The following NEK10 variants were observed in gnomAD, a reference collection of about 807,000 sequenced individuals.
The protein encoded by NEK10 is NIMA related kinase 10.
NEK10 carries 122 observed loss-of-function variants against 159.8 expected under a neutral mutation model. The ratio of observed to expected loss-of-function variants is 0.76; its 90% CI spans 0.66 to 0.89. The LOEUF is 0.89. NEK10 is among the 40% of genes least tolerant of loss of function. The pLI, the probability that NEK10 is intolerant of heterozygous loss-of-function variation, is 0.00. For missense variants in NEK10, 1,342 were observed against 1,323.1 expected, an observed-to-expected ratio of 1.01 and a Z score of -0.22; for synonymous variants, 466 against 457.1, an observed-to-expected ratio of 1.02 and a Z score of -0.25.
intron 23 of NEK10, among the ~76,000 whole-genome samples, chr3:27,241,566 A>T (rs934138126): frequency 6.6e-5 from 10 of 152,176 alleles, no homozygotes; most frequent in African/African-American, 2.4e-4. Flanking sequence ...AAGTACCTCA[A>T]CAGATTTGAG....
rs1277091120 is a variant in NEK10, at chr3:27,295,288, T to C, written c.1308+325A>G. Among the ~76,000 whole-genome samples, 3 of 152,196 alleles carry C rather than the reference T, an allele frequency of 2.0e-5. No individual in the cohort carries two copies. In the East Asian group the frequency reaches 5.8e-4, roughly 29 times the overall value. On this transcript the variant is annotated intron_variant, in intron 15 of 35. Coordinates refer to ENST00000691995, the MANE Select transcript of NEK10 (RefSeq NM_001394966.1). The stretch of plus-strand genomic sequence containing the variant: ...GTCCCTTCTCATCCATCAAGATCCA[T>C]GATGGCAAATAATTTTCCCCCTGTT...
chr3:27,174,390 A>T, intron 28 of NEK10, 49 bp downstream of exon 28: 4 of 1,604,442 alleles, frequency 2.5e-6, no homozygotes, highest in Non-Finnish European at 2.5e-6. Flanking sequence ...TTTCCAAACC[A>T]CTGTCTTCCG....
chr3:27,196,889 T>C (rs1023491458), intron 25 of NEK10, among the ~76,000 whole-genome samples: 1 of 152,204 alleles, frequency 6.6e-6, no homozygotes, highest in Non-Finnish European at 1.5e-5. Context: ...ATGAGCAGTT[T>C]AAATATATTT....
At chr3:27,253,966 T>G (rs1388548426) in intron 23 of NEK10, among the ~76,000 whole-genome samples, 2 of 152,066 alleles carry the variant, frequency 1.3e-5, no homozygotes. Flanking sequence ...CGCCCTGGCA[T>G]GCCATAAGCA....
chr3:27,346,015 A>T, intron 4 of NEK10, 71 bp downstream of exon 4: 1 of 1,467,268 alleles, frequency 6.8e-7, no homozygotes, highest in Non-Finnish European at 9.4e-7. Context: ...AGCTCCTGGG[A>T]TAAACTTAAA....
chr3:27,284,800 T>C, intron 21 of NEK10, 40 bp downstream of exon 21: 1 of 1,554,090 alleles, frequency 6.4e-7, no homozygotes, highest in Non-Finnish European at 8.9e-7. Context: ...GCTCAGAACA[T>C]TACTGTTTTA....
intron 23 of NEK10, among the ~76,000 whole-genome samples, chr3:27,205,137 G>A (rs895814517): frequency 1.4e-4 from 22 of 152,076 alleles, no homozygotes; most frequent in African/African-American, 3.6e-4. Flanking sequence ...CATGTCCTTC[G>A]CCCACTTTTT....
intron 23 of NEK10, among the ~76,000 whole-genome samples, chr3:27,240,014 T>G (rs1954373326): frequency 6.6e-6 from 1 of 152,240 alleles, no homozygotes; most frequent in Non-Finnish European, 1.5e-5. Flanking sequence ...ATGTTACAAC[T>G]TGGCTTCAAG....
At chr3:27,157,142 G>A (rs1200421215) in intron 30 of NEK10, among the ~76,000 whole-genome samples, 1 of 151,182 alleles carries the variant, frequency 6.6e-6, no homozygotes, top group East Asian at 2.0e-4. Flanking sequence ...AGGATGCAAA[G>A]GCATGATAAT....
At chr3:27,198,724 T>G (rs953304258) in intron 25 of NEK10, among the ~76,000 whole-genome samples, 3 of 151,974 alleles carry the variant, frequency 2.0e-5, no homozygotes, top group African/African-American at 7.3e-5. Flanking sequence ...GCAATACCAT[T>G]CAGAACATAG....
At chr3:27,288,172 A>G (rs2042753061) in intron 19 of NEK10, among the ~76,000 whole-genome samples, 1 of 152,216 alleles carries the variant, frequency 6.6e-6, no homozygotes, top group African/African-American at 2.4e-5. Flanking sequence ...CTAAATATTT[A>G]TGGAAAGTTT....
At chr3:27,122,154 T>C (rs1186522181) in intron 32 of NEK10, among the ~76,000 whole-genome samples, 1 of 152,102 alleles carries the variant, frequency 6.6e-6, no homozygotes, top group Non-Finnish European at 1.5e-5. Context: ...GTTTCCCCCA[T>C]GCTGTTGTCA....
chr3:27,171,518 T>A (rs1416311852), intron 29 of NEK10, among the ~76,000 whole-genome samples: 1 of 152,098 alleles, frequency 6.6e-6, no homozygotes, highest in African/African-American at 2.4e-5. Context: ...GGGCTCCAGA[T>A]GACCTCATGG....
intron 25 of NEK10, chr3:27,193,969 A>C (rs1006567947): frequency 6.6e-6 from 1 of 152,034 alleles, no homozygotes; most frequent in African/African-American, 2.4e-5. Context: ...ATAAATCCAC[A>C]AACAAACTCA....
Position 27,174,799 on chromosome 3 carries a change from C to T in NEK10, c.2540G>A (p.Ser847Asn), listed in dbSNP as rs745373348. The T allele has an allele frequency of 6.2e-7, 1 of 1,604,110 alleles. No individual in the cohort carries two copies. The change falls in exon 27 of 36, where the codon AGC becomes AAC. Residue 847 changes from serine (S) to asparagine (N), a missense_variant. Physicochemically the swap from Ser to Asn is conservative, Grantham distance 46 (BLOSUM62 1). Transcript: ENST00000691995. ...ACTTTTCAGGCTGGCTGCTCCACTG[C>T]TGCTGCTACTCAAACTTGCCTTCTC... Reference protein sequence around the residue: ...TFEKASLSSSSSGAASLKSEL... With the variant: ...TFEKASLSSSNSGAASLKSEL...
At chr3:27,180,653 G>A (rs1349736035) in intron 26 of NEK10, among the ~76,000 whole-genome samples, 2 of 152,150 alleles carry the variant, frequency 1.3e-5, no homozygotes, top group African/African-American at 4.8e-5. Flanking sequence ...TTAACACAGA[G>A]TTACATAAGG....
At chr3:27,254,908 CTCTT>C (rs1376755206) in intron 23 of NEK10, among the ~76,000 whole-genome samples, 1 of 142,700 alleles carries the variant, frequency 7.0e-6, no homozygotes, top group Middle Eastern at 3.3e-3. Context: ...TGGATTCTGT[CTCTT>C]TCTCTTACAC....
intron 1 of NEK10, among the ~76,000 whole-genome samples, chr3:27,367,882 G>A (rs2049211718): frequency 6.6e-6 from 1 of 152,166 alleles, no homozygotes; most frequent in African/African-American, 2.4e-5. Flanking sequence ...GACATATTCT[G>A]GGAACAATCA....
intron 23 of NEK10, chr3:27,215,739 C>T (rs1225046728): frequency 2.8e-6 from 2 of 709,814 alleles, no homozygotes; most frequent in Admixed American, 2.0e-5. Context: ...CACGGTTCTG[C>T]AGGCTGTACA....
Sources: allele counts gnomAD v4.1 joint callset (sites outside exome capture counted in the v4.1 genomes callset), GRCh38; gene constraint gnomAD v4.1.1; transcripts MANE v1.5; gene names NCBI Gene and HGNC (gene_info 2026-07-23, HGNC 2026-07-21).